The following TMEM184B variants were observed in gnomAD, a reference collection of about 807,000 sequenced individuals.
The protein encoded by TMEM184B is putative MAPK-activating protein FM08.
Under a neutral mutation model 41.8 loss-of-function variants are expected in TMEM184B, and 17 were observed. The ratio of observed to expected loss-of-function variants is 0.41; its 90% CI spans 0.28 to 0.61. TMEM184B has a LOEUF of 0.61. Among genes scored for constraint, TMEM184B ranks in the 20% least tolerant of loss-of-function variants. TMEM184B has a pLI of 0.34. For synonymous variants in TMEM184B, 240 were observed against 229.5 expected, an observed-to-expected ratio of 1.05 and a Z score of -0.41; for missense variants, 393 against 557.8, an observed-to-expected ratio of 0.70 and a Z score of 2.98.
At chr22:38,233,415 G>C (rs1351363549) in intron 3 of TMEM184B, among the ~76,000 whole-genome samples, 3 of 152,220 alleles carry the variant, frequency 2.0e-5, no homozygotes, top group African/African-American at 7.2e-5. Context: ...GTGTTCAGAA[G>C]TGTGTCCGGG....
In TMEM184B at chr22:38,220,039, T is replaced by C; in HGVS notation, c.*1430A>G. 1.0e-6 allele frequency: 1 copy of C among 985,508 alleles called. No individual in the cohort carries two copies. Among genetic ancestry groups the C allele is most frequent in the Non-Finnish European group, 1.2e-6 (1 of 829,984 alleles). The allele number at this position is 985,508 out of a possible 1,614,324, so 61.0% of individuals were successfully genotyped here. On this transcript the variant is annotated 3_prime_UTR_variant, in exon 9 of 9. Coordinates refer to ENST00000361906, the MANE Select transcript of TMEM184B (RefSeq NM_012264.5). ...GAACACCGGCAGGGTCCCTCTCCCTTACCCTACCAGCTTCTCCAGGTGACT... is the reference window on the plus strand; with the variant it reads ...GAACACCGGCAGGGTCCCTCTCCCTCACCCTACCAGCTTCTCCAGGTGACT...
At chr22:38,231,378 T>C (rs200371076) in intron 3 of TMEM184B, 44 bp from the exon 4 acceptor site, 2 of 1,488,816 alleles carry the variant, frequency 1.3e-6, no homozygotes, top group Non-Finnish European at 1.9e-6. Flanking sequence ...ATCAGCAGAA[T>C]GGGTCCGCAG....
rs1026956178 is a variant in TMEM184B, at chr22:38,226,699, G to T, written c.617+80C>A. ...AAGGTCATGGCTGTGCGGCCACTCT[G>T]GCTGCCCCCTTCCCTGAGCCAAGGC... On this transcript the variant is annotated intron_variant, in intron 6 of 8. Transcript: ENST00000361906. This position sits in a 1 kb window ranked among gnomAD's most constrained non-coding sequence, Gnocchi z 4.6. The T allele has an allele frequency of 2.8e-6, 4 of 1,419,398 alleles. No individual in the cohort carries two copies. The Admixed American group carries it at 6.0e-5, about 21-fold the overall frequency. The allele number at this position is 1,419,398 out of a possible 1,614,324, so 87.9% of individuals were successfully genotyped here.
chr22:38,242,970 G>A (rs1232144594), intron 3 of TMEM184B, among the ~76,000 whole-genome samples: 2 of 151,498 alleles, frequency 1.3e-5, no homozygotes, highest in East Asian at 3.9e-4. Flanking sequence ...GCTGAGGCAG[G>A]GGAATCACTT....
Position 38,237,704 on chromosome 22 carries a change from C to A in TMEM184B, c.359-6370G>T, listed in dbSNP as rs575848244. ...GGTGATCATCCTGGACAAGAATGGG[C>A]ACAGTGTGTTGCAACCAAGGGGGCA... On this transcript the variant is annotated intron_variant, in intron 3 of 8. Transcript: ENST00000361906. 2.2e-4 allele frequency among the ~76,000 whole-genome samples: 34 copies of A among 152,262 alleles called. No homozygotes were observed. In the East Asian group the frequency reaches 6.2e-3, roughly 28 times the overall value.
rs545074664 is a variant in TMEM184B, at chr22:38,221,762, G to A, written c.983-52C>T. The A allele has an allele frequency of 1.4e-5, 23 of 1,596,876 alleles. No homozygotes were observed. In the African/African-American group the frequency reaches 2.7e-4, roughly 19 times the overall value. Reference sequence around the variant, plus strand: ...GGTGAGGAGGCTGGGACGGTGAGAGGGAGGTGGCTCAGCCCCTGCCCGTGA... The same window carrying A: ...GGTGAGGAGGCTGGGACGGTGAGAGAGAGGTGGCTCAGCCCCTGCCCGTGA... On this transcript the variant is annotated intron_variant, in intron 8 of 8. Coordinates refer to ENST00000361906, the MANE Select transcript of TMEM184B (RefSeq NM_012264.5).
In TMEM184B at chr22:38,241,481, A is replaced by G. The variant is rs1238867258; in HGVS notation, c.358+4454T>C. On this transcript the variant is annotated intron_variant, in intron 3 of 8. Coordinates refer to ENST00000361906, the MANE Select transcript of TMEM184B (RefSeq NM_012264.5). ...GGCGCAAGGATCATTTGAGCCCAGG[A>G]GTTCAAGACCACCCTGGGCAACACA... 6.0e-5 allele frequency among the ~76,000 whole-genome samples: 9 copies of G among 149,130 alleles called. No homozygotes were observed. The Admixed American group carries it at 6.1e-4, about 10-fold the overall frequency.
At chr22:38,246,595 C>A in intron 2 of TMEM184B, 1 of 304,274 alleles carries the variant, frequency 3.3e-6, no homozygotes, top group South Asian at 2.9e-5. Context: ...AGCCCTCACG[C>A]TATGGCGGGT....
At chr22:38,259,620 A>G (rs868575063) in intron 1 of TMEM184B, among the ~76,000 whole-genome samples, 2 of 152,062 alleles carry the variant, frequency 1.3e-5, no homozygotes, top group Admixed American at 1.3e-4. Context: ...CAGGGAAATA[A>G]TTCTCCCCCA....
In TMEM184B at chr22:38,239,047, C is replaced by A. The variant is rs546728083; in HGVS notation, c.358+6888G>T. 6.6e-6 allele frequency among the ~76,000 whole-genome samples: 1 copy of A among 152,336 alleles called. No homozygotes were observed. Among genetic ancestry groups the A allele is most frequent in the South Asian group, 2.1e-4 (1 of 4,832 alleles). ...ACGGACACCGCCTCCTGCCTCTGAA[C>A]CCCAAGGCCCTGTGCCTCTGATCAC... is the stretch of plus-strand genomic sequence containing the variant. On this transcript the variant is annotated intron_variant, in intron 3 of 8. Coordinates refer to ENST00000361906, the MANE Select transcript of TMEM184B (RefSeq NM_012264.5). The surrounding 1 kb of genome is among the most constrained non-coding windows in gnomAD (Gnocchi z 4.6).
At chr22:38,266,607 T>C (rs1331297568) in intron 1 of TMEM184B, among the ~76,000 whole-genome samples, 1 of 152,250 alleles carries the variant, frequency 6.6e-6, no homozygotes, top group Non-Finnish European at 1.5e-5. Context: ...TTTCTATCTA[T>C]AGCTACCTTT....
chr22:38,266,394 G>A (rs771084838), intron 1 of TMEM184B, among the ~76,000 whole-genome samples: 2 of 152,192 alleles, frequency 1.3e-5, no homozygotes, highest in Non-Finnish European at 2.9e-5. Flanking sequence ...TACGAATAGC[G>A]CCCCTTGCCT....
chr22:38,218,151 GGGAGAGT>G (rs1304012072), downstream of TMEM184B, among the ~76,000 whole-genome samples: 1 of 152,232 alleles, frequency 6.6e-6, no homozygotes, highest in African/African-American at 2.4e-5. Flanking sequence ...CAGGGAGGCA[GGGAGAGT>G]GGCTTTCCCA....
At chr22:38,235,262 G>A (rs1301771040) in intron 3 of TMEM184B, among the ~76,000 whole-genome samples, 4 of 152,192 alleles carry the variant, frequency 2.6e-5, no homozygotes, top group Middle Eastern at 3.4e-3. Flanking sequence ...TTCCAGTCTC[G>A]AACAACAAAA....
In TMEM184B at chr22:38,226,947, GA is replaced by G; in HGVS notation, c.526-78del. ...AAGCAAGCCCTGCCTCTGGCAGACG[GA>G]ACTGTACCGGATGGAGGGACAGAGA... On this transcript the variant is annotated intron_variant, in intron 5 of 8. Transcript: ENST00000361906. This position sits in a 1 kb window ranked among gnomAD's most constrained non-coding sequence, Gnocchi z 4.6. 7.1e-7 allele frequency: 1 copy of G among 1,414,326 alleles called. No individual in the cohort carries two copies. Among genetic ancestry groups the G allele is most frequent in the Admixed American group, 2.0e-5 (1 of 50,432 alleles). The allele number at this position is 1,414,326 out of a possible 1,614,324, so 87.6% of individuals were successfully genotyped here.
chr22:38,222,772 G>A (rs929011335), intron 8 of TMEM184B: 13 of 931,512 alleles, frequency 1.4e-5, no homozygotes, highest in Admixed American at 6.2e-5. Flanking sequence ...GCCCACCACC[G>A]AGGCCCACCA....
chr22:38,240,958 C>T (rs540136205), intron 3 of TMEM184B, among the ~76,000 whole-genome samples: 1 of 152,316 alleles, frequency 6.6e-6, no homozygotes, highest in African/African-American at 2.4e-5. Flanking sequence ...ACAAAATAGA[C>T]CTCCCATGCA....
At position 38,247,881 on chromosome 22, in the gene TMEM184B, G is replaced by C. The variant is rs1347554446; in HGVS notation, c.81C>G (p.Ile27Met). ...TAAASPSVSV[I>M]PEGSPTAMEQ... is the part of the protein sequence containing the mutation. ...CCATGGCAGTGGGGCTGCCCTCGGG[G>C]ATCACGGAGACGCTGGGCGAGGCTG... The change falls in exon 2 of 9, where the codon ATC becomes ATG. Residue 27 changes from isoleucine to methionine, a missense_variant. By Grantham distance (10) the Ile-to-Met change is conservative (BLOSUM62 1). Transcript: ENST00000361906. 1 of 1,612,004 alleles carries C rather than the reference G, an allele frequency of 6.2e-7. No individual in the cohort carries two copies.
intron 2 of TMEM184B, chr22:38,246,612 A>G (rs2092036658): frequency 6.4e-6 from 2 of 310,402 alleles, no homozygotes. Flanking sequence ...GGGTGGACAC[A>G]CTTCCTGGCC....
Sources: allele counts gnomAD v4.1 joint callset (sites outside exome capture counted in the v4.1 genomes callset), GRCh38; gene constraint gnomAD v4.1.1; non-coding constraint Gnocchi (gnomAD v3.1); transcripts MANE v1.5; gene names NCBI Gene and HGNC (gene_info 2026-07-23, HGNC 2026-07-21).